BLNK: variants seen among roughly 807,000 people sequenced by gnomAD.
The protein encoded by BLNK is B-cell linker protein.
BLNK carries 29 observed loss-of-function variants against 73.5 expected under a neutral mutation model. The ratio of observed to expected loss-of-function variants is 0.39; its 90% CI spans 0.29 to 0.54. The LOEUF is 0.54. BLNK is among the 20% of genes least tolerant of loss of function. The pLI, the probability that BLNK is intolerant of heterozygous loss-of-function variation, is 0.61. For missense variants in BLNK, 460 were observed against 562.8 expected, an observed-to-expected ratio of 0.82 and a Z score of 1.85; for synonymous variants, 176 against 200.8, an observed-to-expected ratio of 0.88 and a Z score of 1.04.
intron 1 of BLNK, among the ~76,000 whole-genome samples, chr10:96,255,165 C>A (rs535764041): frequency 6.6e-6 from 1 of 152,270 alleles, no homozygotes; most frequent in Non-Finnish European, 1.5e-5. Flanking sequence ...AGACTGAGAA[C>A]AGCCCCAGGC....
chr10:96,243,560 A>G (rs1423775003), intron 2 of BLNK, among the ~76,000 whole-genome samples: 1 of 152,176 alleles, frequency 6.6e-6, no homozygotes, highest in Non-Finnish European at 1.5e-5. Context: ...AAAGGAAAAA[A>G]AGCCGAACAA....
Position 96,205,820 on chromosome 10 carries a change from T to C in BLNK, c.817+1191A>G, listed in dbSNP as rs587616478. Among the ~76,000 whole-genome samples the C allele has an allele frequency of 1.4e-3, 209 of 152,322 alleles. 1 individual carries two copies. The highest frequency in any genetic ancestry group is 4.8e-3 in the African/African-American group (199 of 41,562). On this transcript the variant is annotated intron_variant, in intron 11 of 16. Transcript: ENST00000224337. The stretch of plus-strand genomic sequence containing the variant: ...GAGAATGAGGACACCTAAGCAGCAG[T>C]GGACATGCCTTGGGCCCTGCTTCTT...
chr10:96,196,047 T>C (rs1427992602), intron 16 of BLNK, among the ~76,000 whole-genome samples: 3 of 152,254 alleles, frequency 2.0e-5, no homozygotes, highest in Non-Finnish European at 4.4e-5. Flanking sequence ...CATGACATTT[T>C]CCAACAATTC....
intron 16 of BLNK, among the ~76,000 whole-genome samples, chr10:96,195,993 T>C (rs1452566779): frequency 1.3e-5 from 2 of 152,244 alleles, no homozygotes; most frequent in Non-Finnish European, 2.9e-5. Flanking sequence ...GAAAAGACAT[T>C]GTCCTTGGCT....
intron 8 of BLNK, 61 bp downstream of exon 8, chr10:96,215,260 T>C (rs2084036745): frequency 2.0e-6 from 3 of 1,497,580 alleles, no homozygotes; most frequent in Non-Finnish European, 2.8e-6. Context: ...TCTTCATAGT[T>C]GATCTGTTTT....
chr10:96,242,853 G>A lies in BLNK; in HGVS notation c.114-69C>T, dbSNP rs1464733193. 1.1e-5 allele frequency: 14 copies of A among 1,300,196 alleles called. No individual in the cohort carries two copies. The Admixed American group carries it at 1.2e-4, about 11-fold the overall frequency. The allele number at this position is 1,300,196 out of a possible 1,614,324, so 80.5% of individuals were successfully genotyped here. A position where few individuals can be genotyped will look rare whatever the true frequency, so the allele number is the denominator to read the frequency against. ...ATGATGGTCAAAGCCGATGCTAGAA[G>A]CTGATATAGACAGAATAGATAGACA... On this transcript the variant is annotated intron_variant, in intron 2 of 16. Transcript: ENST00000224337.
At chr10:96,225,663 A>C (rs1422734898) in intron 5 of BLNK, among the ~76,000 whole-genome samples, 8 of 147,242 alleles carry the variant, frequency 5.4e-5, no homozygotes, top group African/African-American at 2.0e-4. Flanking sequence ...TTTTTTTGAG[A>C]CAGAGTTTCA....
chr10:96,213,912 T>C (rs2084003913), intron 8 of BLNK, among the ~76,000 whole-genome samples: 2 of 152,172 alleles, frequency 1.3e-5, no homozygotes, highest in South Asian at 4.1e-4. Context: ...GGCTCTGAGC[T>C]CCACTCCCCA....
intron 7 of BLNK, chr10:96,216,217 T>C (rs1346873520): frequency 4.6e-5 from 10 of 215,942 alleles, no homozygotes; most frequent in African/African-American, 2.0e-4. Context: ...CATAGGCTTA[T>C]CATACTACTA....
chr10:96,208,225 C>T (rs1047591482), intron 9 of BLNK, among the ~76,000 whole-genome samples: 1 of 152,042 alleles, frequency 6.6e-6, no homozygotes, highest in African/African-American at 2.4e-5. Context: ...AGGTTAGATT[C>T]CTCACCTGTC....
At chr10:96,231,040 T>C (rs587708022) in intron 3 of BLNK, among the ~76,000 whole-genome samples, 2 of 152,240 alleles carry the variant, frequency 1.3e-5, no homozygotes, top group East Asian at 3.8e-4. Flanking sequence ...TAGAGAGAAG[T>C]CCCACTGGGC....
At chr10:96,198,104 AAG>A (rs1409683968) in intron 15 of BLNK, among the ~76,000 whole-genome samples, 1 of 152,036 alleles carries the variant, frequency 6.6e-6, no homozygotes, top group Non-Finnish European at 1.5e-5. Flanking sequence ...ACTGAAGAAA[AAG>A]ACAAGCCTAT....
chr10:96,242,863 A>G, intron 2 of BLNK, 79 bp from the exon 3 acceptor site: 1 of 1,184,408 alleles, frequency 8.4e-7, no homozygotes, highest in Non-Finnish European at 1.3e-6. Context: ...GCTGATATAG[A>G]CAGAATAGAT....
chr10:96,253,721 A>G (rs1409325968), intron 1 of BLNK, among the ~76,000 whole-genome samples: 1 of 152,160 alleles, frequency 6.6e-6, no homozygotes, highest in Non-Finnish European at 1.5e-5. Flanking sequence ...GCCATTTTTA[A>G]AGGATTAGGC....
At chr10:96,267,004 G>A (rs1402313306) in intron 1 of BLNK, among the ~76,000 whole-genome samples, 1 of 152,250 alleles carries the variant, frequency 6.6e-6, no homozygotes, top group Non-Finnish European at 1.5e-5. Context: ...CTGAGGTGTA[G>A]AGAAACTGAA....
intron 1 of BLNK, among the ~76,000 whole-genome samples, 182 bp from the exon 2 acceptor site, chr10:96,247,231 G>A (rs947221000): frequency 2.6e-5 from 4 of 152,208 alleles, no homozygotes; most frequent in Non-Finnish European, 4.4e-5. Context: ...GGAGAAGCAT[G>A]ACTGATTCTA....
intron 6 of BLNK, among the ~76,000 whole-genome samples, chr10:96,220,819 A>G (rs1026149092): frequency 1.3e-5 from 2 of 152,316 alleles, no homozygotes; most frequent in South Asian, 2.1e-4. Context: ...ATCAACTCCA[A>G]TGTTTAGATG....
chr10:96,242,826 C>T, intron 2 of BLNK, 42 bp from the exon 3 acceptor site: 3 of 1,522,088 alleles, frequency 2.0e-6, no homozygotes, highest in Non-Finnish European at 2.7e-6. Flanking sequence ...GTGAGCAGAA[C>T]AATGATGGTC....
intron 3 of BLNK, among the ~76,000 whole-genome samples, chr10:96,233,252 C>T (rs979919910): frequency 6.6e-6 from 1 of 152,172 alleles, no homozygotes; most frequent in Non-Finnish European, 1.5e-5. Context: ...GCATTTGCTC[C>T]ACCCTTTCTC....
Sources: gnomAD v4.1 joint callset for allele counts (sites outside exome capture counted in the v4.1 genomes callset) on GRCh38, gnomAD v4.1.1 for gene constraint, MANE v1.5 for transcripts, NCBI Gene and HGNC (gene_info 2026-07-23, HGNC 2026-07-21) for gene names.